LIMK2: variants seen among roughly 807,000 people sequenced by gnomAD.
LIMK2 encodes LIM domain kinase 2.
Under a neutral mutation model 75.7 loss-of-function variants are expected in LIMK2, and 35 were observed. The observed-to-expected ratio is 0.46, with a 90% CI of 0.35 to 0.61. LIMK2 has a LOEUF of 0.61. Among genes scored for constraint, LIMK2 ranks in the 20% least tolerant of loss-of-function variants. LIMK2 has a pLI of 0.00. For missense variants in LIMK2, 623 were observed against 831.0 expected, an observed-to-expected ratio of 0.75 and a Z score of 3.08; for synonymous variants, 301 against 319.2, an observed-to-expected ratio of 0.94 and a Z score of 0.61.
At chr22:31,266,895 G>T in intron 8 of LIMK2, 89 bp from the exon 9 acceptor site, 1 of 886,542 alleles carries the variant, frequency 1.1e-6, no homozygotes, top group Non-Finnish European at 1.8e-6. Flanking sequence ...CCCTCCAAGG[G>T]ATGGGATGGC....
At chr22:31,267,282 A>G (rs2048905294) in intron 9 of LIMK2, among the ~76,000 whole-genome samples, 1 of 152,232 alleles carries the variant, frequency 6.6e-6, no homozygotes, top group Non-Finnish European at 1.5e-5. Context: ...ACAGGGTACA[A>G]GGGATGCAGT....
intron 2 of LIMK2, among the ~76,000 whole-genome samples, chr22:31,241,236 A>G (rs2048621411): frequency 6.6e-6 from 1 of 152,214 alleles, no homozygotes; most frequent in South Asian, 2.1e-4. Flanking sequence ...ATTACTGTAA[A>G]TCAAATGGCA....
intron 2 of LIMK2, among the ~76,000 whole-genome samples, chr22:31,238,582 A>T (rs182421908): frequency 2.9e-3 from 439 of 152,336 alleles, no homozygotes; most frequent in African/African-American, 0.01. Context: ...GGCCTAGATT[A>T]GGGTCATTCA....
intron 1 of LIMK2, among the ~76,000 whole-genome samples, chr22:31,220,477 A>G (rs2048423938): frequency 6.6e-6 from 1 of 152,250 alleles, no homozygotes; most frequent in Non-Finnish European, 1.5e-5. Context: ...AGATAAGAAC[A>G]TAATAAAGAT....
At chr22:31,231,134 A>G (rs1009324784) in intron 2 of LIMK2, among the ~76,000 whole-genome samples, 3 of 152,214 alleles carry the variant, frequency 2.0e-5, no homozygotes, top group African/African-American at 4.8e-5. Context: ...TCTTGAATGC[A>G]AGCATATTTC....
chr22:31,278,340 C>T lies in LIMK2; in HGVS notation c.1816C>T (p.Leu606=). ...KLEDSFEALS[L]YLGELGIPLP... ...GGAGGACTCCTTTGAGGCCCTCTCCCTGTACCTGGGGGAGCTGGGCATCCC... is the reference window on the plus strand; with the variant it reads ...GGAGGACTCCTTTGAGGCCCTCTCCTTGTACCTGGGGGAGCTGGGCATCCC... The change falls in exon 16 of 16, where the codon CTG becomes TTG. Residue 606 remains leucine, a synonymous_variant. Transcript: ENST00000331728. 1.2e-6 allele frequency: 2 copies of T among 1,613,984 alleles called. No individual in the cohort carries two copies. The highest frequency in any genetic ancestry group is 1.7e-6 in the Non-Finnish European group (2 of 1,179,924).
chr22:31,228,654 C>T (rs760874227), intron 2 of LIMK2, among the ~76,000 whole-genome samples: 3 of 152,016 alleles, frequency 2.0e-5, no homozygotes, highest in Non-Finnish European at 2.9e-5. Flanking sequence ...TTAATAGGGC[C>T]GGACGTGGTG....
At position 31,265,930 on chromosome 22, in the gene LIMK2, C is replaced by T; in HGVS notation, c.855-16C>T. 1 of 1,612,908 alleles carries T rather than the reference C, an allele frequency of 6.2e-7. No homozygotes were observed. Among genetic ancestry groups the T allele is most frequent in the East Asian group, 2.2e-5 (1 of 44,874 alleles). On this transcript the variant is annotated splice_polypyrimidine_tract_variant and intron_variant, in intron 7 of 15. Coordinates refer to ENST00000331728, the MANE Select transcript of LIMK2 (RefSeq NM_005569.4). ...GAGGACTACACATCCCTACTCCCGT[C>T]TTTCCTCATCTTCAGGCGCAGTAAC... is the stretch of plus-strand genomic sequence containing the variant.
At chr22:31,240,061 C>T (rs1172559169) in intron 2 of LIMK2, among the ~76,000 whole-genome samples, 3 of 152,104 alleles carry the variant, frequency 2.0e-5, no homozygotes, top group South Asian at 2.1e-4. Flanking sequence ...CTTATTTTGC[C>T]GTGTTTTTCA....
At chr22:31,268,004 C>T in intron 10 of LIMK2, 97 bp downstream of exon 10, 1 of 1,549,602 alleles carries the variant, frequency 6.5e-7, no homozygotes, top group Non-Finnish European at 8.9e-7. Flanking sequence ...AGGGGCCCTG[C>T]TTTGCCTCCA....
intron 2 of LIMK2, among the ~76,000 whole-genome samples, chr22:31,229,088 A>G (rs1186551166): frequency 4.6e-5 from 7 of 152,180 alleles, no homozygotes; most frequent in Admixed American, 3.3e-4. Flanking sequence ...GTGGAGCCCC[A>G]GGGATTAAGG....
intron 13 of LIMK2, chr22:31,272,919 G>A: frequency 7.6e-7 from 1 of 1,324,138 alleles, no homozygotes; most frequent in Non-Finnish European, 9.6e-7. Context: ...GGGATAAGGT[G>A]AGTTCTGACT....
chr22:31,226,246 A>G (rs1005040521), intron 2 of LIMK2, among the ~76,000 whole-genome samples: 3 of 151,434 alleles, frequency 2.0e-5, no homozygotes, highest in South Asian at 2.1e-4. Context: ...GCTGTTGCCC[A>G]GGCTGGAGTG....
intron 15 of LIMK2, 38 bp from the exon 16 acceptor site, chr22:31,278,259 T>A (rs1296679329): frequency 6.3e-7 from 1 of 1,584,054 alleles, no homozygotes; most frequent in South Asian, 1.2e-5. Flanking sequence ...GCCCTGCTCA[T>A]GTTCCACCTG....
chr22:31,271,066 C>T (rs866919298), intron 11 of LIMK2, 70 bp from the exon 12 acceptor site: 43 of 1,407,738 alleles, frequency 3.1e-5, no homozygotes, highest in Non-Finnish European at 4.0e-5. Context: ...GCATCTATGG[C>T]GCCCAATTCC....
At chr22:31,253,679 G>A (rs1200375728) in intron 2 of LIMK2, among the ~76,000 whole-genome samples, 2 of 152,346 alleles carry the variant, frequency 1.3e-5, no homozygotes, top group African/African-American at 4.8e-5. Context: ...AGCACACATA[G>A]CTTCACATTC....
chr22:31,233,186 G>A (rs2048543570), intron 2 of LIMK2, among the ~76,000 whole-genome samples: 1 of 152,168 alleles, frequency 6.6e-6, no homozygotes, highest in South Asian at 2.1e-4. Context: ...ACCTGACCAT[G>A]AGTCAGCTGC....
chr22:31,218,653 T>TA (rs1250915487), intron 1 of LIMK2, among the ~76,000 whole-genome samples: 1 of 152,212 alleles, frequency 6.6e-6, no homozygotes, highest in Non-Finnish European at 1.5e-5. Context: ...GTCTTTTTGA[T>TA]AGTCACTTCA....
At chr22:31,259,633 C>T (rs192862840) in intron 4 of LIMK2, among the ~76,000 whole-genome samples, 1 of 152,246 alleles carries the variant, frequency 6.6e-6, no homozygotes, top group African/African-American at 2.4e-5. Context: ...GTGAAGAGAA[C>T]CCAGACCATC....
Sources: allele counts gnomAD v4.1 joint callset (sites outside exome capture counted in the v4.1 genomes callset), GRCh38; gene constraint gnomAD v4.1.1; transcripts MANE v1.5; gene names NCBI Gene and HGNC (gene_info 2026-07-23, HGNC 2026-07-21).